The following RORA variants were observed in gnomAD, a reference collection of about 807,000 sequenced individuals.
RORA encodes the protein RAR related orphan receptor A, also known as nuclear receptor ROR-alpha.
A neutral mutation model predicts 69.5 loss-of-function variants in RORA; 7 were observed. The observed-to-expected ratio is 0.10, with a 90% CI of 0.06 to 0.19. RORA has a LOEUF of 0.19. Ranked by LOEUF, RORA falls within the 10% of genes least tolerant of loss-of-function variation. RORA has a pLI of 1.00. For synonymous variants in RORA, 261 were observed against 240.8 expected (o/e 1.08, Z -0.78); for missense variants, 457 against 663.0 (o/e 0.69, Z 3.41).
chr15:60,834,915 CA>C (rs201615051), intron 1 of RORA, among the ~76,000 whole-genome samples: 1 of 149,684 alleles, frequency 6.7e-6, no homozygotes, highest in South Asian at 2.1e-4. Context: ...TTTTTCCCTC[CA>C]AAAAAAAACT....
Position 60,511,716 on chromosome 15 carries a change from A to G in RORA, c.425-95T>C, listed in dbSNP as rs1468896538. 2 of 1,329,674 alleles carry G rather than the reference A, an allele frequency of 1.5e-6. No individual in the cohort carries two copies. The highest frequency in any genetic ancestry group is 1.5e-5 in the African/African-American group (1 of 67,546). 82.4% of individuals were successfully genotyped at this position (1,329,674 alleles called of 1,614,324 possible). Reference sequence around the variant, plus strand: ...GGGGTTTCCTTTGAAGTCTCACACAATCTCAATCCAAAACTGCATGACCAC... The same window carrying G: ...GGGGTTTCCTTTGAAGTCTCACACAGTCTCAATCCAAAACTGCATGACCAC... On this transcript the variant is annotated intron_variant, in intron 4 of 10. Coordinates refer to ENST00000335670, the MANE Select transcript of RORA (RefSeq NM_134261.3). This position sits in a 1 kb window ranked among gnomAD's most constrained non-coding sequence, Gnocchi z 6.4.
At chr15:60,924,378 G>A (rs1280170224) in intron 1 of RORA, among the ~76,000 whole-genome samples, 1 of 68,736 alleles carries the variant, frequency 1.5e-5, no homozygotes, top group Non-Finnish European at 4.8e-5. Flanking sequence ...TACGCTTATA[G>A]TCTAAAAATA....
intron 1 of RORA, among the ~76,000 whole-genome samples, chr15:61,127,520 G>A (rs2079153980): frequency 6.6e-6 from 1 of 152,122 alleles, no homozygotes. Flanking sequence ...CCAAAGCAAT[G>A]GGCAGTCACA....
chr15:60,515,973 TTATATATTTA>T lies in RORA; in HGVS notation c.283-1226_283-1217del, dbSNP rs1567051009. On this transcript the variant is annotated intron_variant, in intron 3 of 10. Transcript: ENST00000335670. ...TTTATATATTTATATTTATATATAT[TTATATATTTA>T]TATATATTTATATATATTTATATAT... Among the ~76,000 whole-genome samples, 55 of 16,770 alleles carry T rather than the reference TTATATATTTA, an allele frequency of 3.3e-3. 8 individuals are homozygous for T. Among genetic ancestry groups the T allele is most frequent in the East Asian group, 9.5e-3 (5 of 528 alleles). 11.0% of individuals were successfully genotyped at this position (16,770 alleles called of 152,430 possible). A position where few individuals can be genotyped will look rare whatever the true frequency, so the allele number is the denominator to read the frequency against.
intron 2 of RORA, among the ~76,000 whole-genome samples, chr15:60,547,446 C>A (rs576455514): frequency 3.1e-4 from 47 of 152,028 alleles, no homozygotes; most frequent in African/African-American, 1.1e-3. Context: ...CCTGCCTCAG[C>A]CTCCCGAGTA....
intron 1 of RORA, among the ~76,000 whole-genome samples, chr15:60,765,854 C>A (rs188084343): frequency 3.0e-3 from 452 of 152,040 alleles, no homozygotes; most frequent in Non-Finnish European, 5.1e-3. Flanking sequence ...GTGGTGTAAC[C>A]CGCTCCCCCA....
At chr15:61,153,237 T>C (rs1314979147) in intron 1 of RORA, among the ~76,000 whole-genome samples, 4 of 152,132 alleles carry the variant, frequency 2.6e-5, no homozygotes, top group African/African-American at 9.7e-5. Context: ...AGTTCGCCCT[T>C]AACCTGCAGG....
At chr15:60,660,529 C>G (rs1048960199) in intron 2 of RORA, among the ~76,000 whole-genome samples, 1 of 152,120 alleles carries the variant, frequency 6.6e-6, no homozygotes, top group African/African-American at 2.4e-5. Flanking sequence ...TTCACCTGCA[C>G]CTTAAAAAGA....
chr15:60,634,615 G>A (rs1384591257), intron 2 of RORA, among the ~76,000 whole-genome samples: 1 of 152,024 alleles, frequency 6.6e-6, no homozygotes, highest in East Asian at 1.9e-4. Flanking sequence ...ATGTTGGCCA[G>A]GCTGGTCTCA....
At chr15:60,746,912 G>A (rs894233660) in intron 1 of RORA, among the ~76,000 whole-genome samples, 3 of 152,218 alleles carry the variant, frequency 2.0e-5, no homozygotes, top group Admixed American at 6.5e-5. Context: ...GGGAAGAGTC[G>A]AATTCCATAT....
At chr15:61,042,049 C>A (rs1034801262) in intron 1 of RORA, among the ~76,000 whole-genome samples, 7 of 152,152 alleles carry the variant, frequency 4.6e-5, no homozygotes, top group Non-Finnish European at 1.0e-4. Context: ...TCTTAACTAC[C>A]ACACTCAGCC....
chr15:60,778,349 C>G (rs772531820), intron 1 of RORA, among the ~76,000 whole-genome samples: 1 of 151,564 alleles, frequency 6.6e-6, no homozygotes, highest in Non-Finnish European at 1.5e-5. Context: ...CCTGTTCTAA[C>G]GAAAGGGCAC....
At chr15:61,065,463 T>G (rs1302621674) in intron 1 of RORA, among the ~76,000 whole-genome samples, 1 of 152,184 alleles carries the variant, frequency 6.6e-6, no homozygotes, top group Non-Finnish European at 1.5e-5. Flanking sequence ...GCTTCTATTT[T>G]CCACATTGAC....
chr15:61,019,009 T>C lies in RORA; in HGVS notation c.166+210044A>G, dbSNP rs377742812. ...ATCCAGCTCTATTCCCCTCTGAGTT[T>C]TCTTCCATCTTATCTAATACACCCT... On this transcript the variant is annotated intron_variant, in intron 1 of 10. Coordinates refer to ENST00000335670, the MANE Select transcript of RORA (RefSeq NM_134261.3). Among the ~76,000 whole-genome samples, 46 of 152,310 alleles carry C rather than the reference T, an allele frequency of 3.0e-4. 2 individuals carry two copies. In the South Asian group the frequency reaches 7.1e-3, roughly 23 times the overall value.
intron 2 of RORA, among the ~76,000 whole-genome samples, chr15:60,661,619 T>G (rs561584065): frequency 6.6e-6 from 1 of 152,198 alleles, no homozygotes; most frequent in Non-Finnish European, 1.5e-5. Flanking sequence ...AGGGGAAGAA[T>G]AATCTCAATT....
chr15:60,830,493 T>C (rs2073027760), intron 1 of RORA, among the ~76,000 whole-genome samples: 1 of 152,214 alleles, frequency 6.6e-6, no homozygotes, highest in African/African-American at 2.4e-5. Flanking sequence ...AATATTATAT[T>C]ATAGCTCTTC....
At chr15:61,096,875 G>C (rs1020107172) in intron 1 of RORA, among the ~76,000 whole-genome samples, 3 of 152,146 alleles carry the variant, frequency 2.0e-5, no homozygotes, top group Non-Finnish European at 4.4e-5. Flanking sequence ...CAGCGCTTTG[G>C]GAAACACTTC....
chr15:61,069,248 AT>A (rs2078306818), intron 1 of RORA, among the ~76,000 whole-genome samples: 1 of 152,228 alleles, frequency 6.6e-6, no homozygotes, highest in South Asian at 2.1e-4. Flanking sequence ...CCTTAAATAA[AT>A]AAACTAGTTG....
chr15:60,763,096 T>TTTTTTTTTTTTTTTTTTTA lies in RORA; in HGVS notation c.167-84411_167-84410insTAAAAAAAAAAAAAAAAAA, dbSNP rs375632043. Reference sequence around the variant, plus strand: ...TTTTTTTTTTTTTTTTTTTTTTTTTTAACCAACCTACCAAAGCAAAGGCAG... The same window carrying TTTTTTTTTTTTTTTTTTTA: ...TTTTTTTTTTTTTTTTTTTTTTTTTTTTTTTTTTTTTTTTTTTTAAACCAACCTACCAAAGCAAAGGCAG... On this transcript the variant is annotated intron_variant, in intron 1 of 10. Coordinates refer to ENST00000335670, the MANE Select transcript of RORA (RefSeq NM_134261.3). Among the ~76,000 whole-genome samples the TTTTTTTTTTTTTTTTTTTA allele has an allele frequency of 1.7e-4, 19 of 109,428 alleles. 1 individual carries two copies. Among genetic ancestry groups the TTTTTTTTTTTTTTTTTTTA allele is most frequent in the South Asian group, 3.5e-4 (1 of 2,818 alleles). The allele number at this position is 109,428 out of a possible 152,430, so 71.8% of individuals were successfully genotyped here.
Sources: allele counts gnomAD v4.1 joint callset (sites outside exome capture counted in the v4.1 genomes callset), GRCh38; gene constraint gnomAD v4.1.1; non-coding constraint Gnocchi (gnomAD v3.1); transcripts MANE v1.5; gene names NCBI Gene and HGNC (gene_info 2026-07-23, HGNC 2026-07-21).